Variants in MAGI2 observed in about 807,000 individuals in gnomAD.
MAGI2 encodes membrane-associated guanylate kinase, WW and PDZ domain-containing protein 2.
A neutral mutation model predicts 133.3 loss-of-function variants in MAGI2; 35 were observed. The observed-to-expected ratio is 0.26, with a 90% CI of 0.20 to 0.35. The LOEUF is 0.35. Among genes scored for constraint, MAGI2 ranks in the 10% least tolerant of loss-of-function variants. The pLI is 1.00. For missense variants in MAGI2, 1,636 were observed against 1,863.4 expected (o/e 0.88, Z 2.25); for synonymous variants, 729 against 710.6 (o/e 1.03, Z -0.41).
intron 2 of MAGI2, among the ~76,000 whole-genome samples, chr7:78,695,168 A>G (rs1585111754): frequency 6.6e-6 from 1 of 151,766 alleles, no homozygotes; most frequent in Non-Finnish European, 1.5e-5. Flanking sequence ...GAGGTTGCAG[A>G]GAGCCGAGAT....
At chr7:78,857,428 T>A (rs1793752053) in intron 2 of MAGI2, among the ~76,000 whole-genome samples, 1 of 152,194 alleles carries the variant, frequency 6.6e-6, no homozygotes, top group East Asian at 1.9e-4. Context: ...ATACTTCCCA[T>A]CAATACCTAA....
intron 1 of MAGI2, among the ~76,000 whole-genome samples, chr7:79,374,541 C>T (rs1299908727): frequency 1.3e-5 from 2 of 151,858 alleles, no homozygotes; most frequent in Non-Finnish European, 2.9e-5. Context: ...TATGCTTCAG[C>T]CATTTAGTTA....
intron 2 of MAGI2, among the ~76,000 whole-genome samples, chr7:78,845,788 T>C (rs1584124356): frequency 6.6e-6 from 1 of 151,902 alleles, no homozygotes; most frequent in East Asian, 1.9e-4. Flanking sequence ...CACATTGCAA[T>C]GGGTGCTATA....
At chr7:78,429,074 A>T (rs973625299) in intron 6 of MAGI2, among the ~76,000 whole-genome samples, 2 of 152,204 alleles carry the variant, frequency 1.3e-5, no homozygotes, top group Non-Finnish European at 2.9e-5. Context: ...ACTGTCTTCC[A>T]AATAAAAGAC....
intron 6 of MAGI2, among the ~76,000 whole-genome samples, chr7:78,396,532 T>A (rs1205163425): frequency 6.6e-6 from 1 of 152,216 alleles, no homozygotes; most frequent in Non-Finnish European, 1.5e-5. Flanking sequence ...CATGCTTACC[T>A]TGCCTTCACC....
chr7:78,459,055 T>A (rs1188194920), intron 6 of MAGI2, among the ~76,000 whole-genome samples: 1 of 152,232 alleles, frequency 6.6e-6, no homozygotes, highest in African/African-American at 2.4e-5. Context: ...AAAAGAGCAT[T>A]CAAAGTACAT....
At chr7:78,323,931 A>G (rs798300) in intron 9 of MAGI2, among the ~76,000 whole-genome samples, 43,262 of 151,988 alleles carry the variant, frequency 0.28, 6,501 homozygotes, top group African/African-American at 0.36. Flanking sequence ...GGCATATAGC[A>G]GGGAAATAAA....
intron 1 of MAGI2, among the ~76,000 whole-genome samples, chr7:79,390,654 C>T (rs1844535154): frequency 6.6e-6 from 1 of 152,116 alleles, no homozygotes; most frequent in African/African-American, 2.4e-5. Flanking sequence ...ATAGTCAAAT[C>T]AAAGCACTAT....
intron 9 of MAGI2, among the ~76,000 whole-genome samples, chr7:78,312,487 G>T: frequency 6.6e-6 from 1 of 151,974 alleles, no homozygotes; most frequent in East Asian, 1.9e-4. Flanking sequence ...TCTGACAAGG[G>T]ACTAATATCC....
intron 4 of MAGI2, among the ~76,000 whole-genome samples, chr7:78,509,092 G>A (rs192664172): frequency 2.0e-5 from 3 of 151,500 alleles, no homozygotes; most frequent in Non-Finnish European, 4.4e-5. Flanking sequence ...TCCCCATTGC[G>A]TTTCTGTGTC....
chr7:78,608,444 T>C (rs895323612), intron 3 of MAGI2, among the ~76,000 whole-genome samples: 1 of 150,396 alleles, frequency 6.6e-6, no homozygotes, highest in African/African-American at 2.5e-5. Flanking sequence ...TGTGCATATA[T>C]ATATGTATAT....
chr7:79,136,461 A>G (rs1163646384), intron 1 of MAGI2, among the ~76,000 whole-genome samples: 4 of 152,312 alleles, frequency 2.6e-5, no homozygotes, highest in South Asian at 4.1e-4. Flanking sequence ...TGTCTCCCAT[A>G]TGTTCAGCCT....
intron 3 of MAGI2, among the ~76,000 whole-genome samples, chr7:78,603,469 G>T (rs1805432360): frequency 6.6e-6 from 1 of 152,186 alleles, no homozygotes; most frequent in African/African-American, 2.4e-5. Flanking sequence ...CCTTGAAATG[G>T]ATTAAAACAT....
chr7:79,339,125 C>T (rs761704708), intron 1 of MAGI2, among the ~76,000 whole-genome samples: 4 of 152,044 alleles, frequency 2.6e-5, no homozygotes, highest in Non-Finnish European at 5.9e-5. Flanking sequence ...TTAAGAGTAT[C>T]TTCTTGGGAG....
chr7:79,333,916 C>A (rs558776618), intron 1 of MAGI2, among the ~76,000 whole-genome samples: 1 of 152,256 alleles, frequency 6.6e-6, no homozygotes, highest in East Asian at 1.9e-4. Context: ...AAATACTTTT[C>A]TAATATCCTC....
chr7:78,229,404 G>A (rs1789727179), intron 10 of MAGI2, among the ~76,000 whole-genome samples: 1 of 152,182 alleles, frequency 6.6e-6, no homozygotes, highest in Admixed American at 6.5e-5. Flanking sequence ...CAACCATGCT[G>A]GGCTGCCTCC....
chr7:78,324,865 C>G (rs946812473), intron 9 of MAGI2, among the ~76,000 whole-genome samples: 3 of 152,130 alleles, frequency 2.0e-5, no homozygotes, highest in Non-Finnish European at 2.9e-5. Flanking sequence ...ACTTGGGAGG[C>G]TGAGGCAGGA....
chr7:78,143,437 CT>C (rs548899621), intron 16 of MAGI2, among the ~76,000 whole-genome samples: 1 of 152,048 alleles, frequency 6.6e-6, no homozygotes, highest in East Asian at 1.9e-4. Flanking sequence ...TATGGGGTTC[CT>C]TTTATTTATA....
rs575891056 is a variant in MAGI2, at chr7:78,844,374, C to T, written c.418+162716G>A. Among the ~76,000 whole-genome samples the T allele has an allele frequency of 9.2e-5, 14 of 151,842 alleles. No individual in the cohort carries two copies. In the East Asian group the frequency reaches 2.7e-3, roughly 30 times the overall value. On this transcript the variant is annotated intron_variant, in intron 2 of 21. Coordinates refer to ENST00000354212, the MANE Select transcript of MAGI2 (RefSeq NM_012301.4). ...TATGTGAATGTTCATAGCATCATTA[C>T]TCATAATAGTCCAAAGGTAGAAACA...
Sources: allele counts gnomAD v4.1 joint callset (sites outside exome capture counted in the v4.1 genomes callset), GRCh38; gene constraint gnomAD v4.1.1; transcripts MANE v1.5; gene names NCBI Gene and HGNC (gene_info 2026-07-23, HGNC 2026-07-21).